The following ADD2 variants were observed in gnomAD, a reference collection of about 807,000 sequenced individuals.
ADD2 encodes adducin 2.
In ADD2, 23 loss-of-function variants were observed where a neutral mutation model predicts 83.0. The ratio of observed to expected loss-of-function variants is 0.28; its 90% confidence interval spans 0.20 to 0.39. ADD2 has a LOEUF of 0.39. Among genes scored for constraint, ADD2 ranks in the 10% least tolerant of loss-of-function variants. The probability of loss-of-function intolerance (pLI) is 1.00; values close to 1 mark genes in which losing one functional copy is unlikely to be tolerated. For missense variants in ADD2, 758 were observed against 944.9 expected (o/e 0.80, Z 2.59); for synonymous variants, 375 against 375.4 (o/e 1.00, Z 0.01).
At chr2:70,693,662 C>G (rs1377219782) in intron 6 of ADD2, among the ~76,000 whole-genome samples, 1 of 152,210 alleles carries the variant, frequency 6.6e-6, no homozygotes, top group African/African-American at 2.4e-5. Flanking sequence ...AAAGCTGCAG[C>G]AACTCTCCCG....
rs1303524433 is a variant in ADD2, at chr2:70,656,904, C to G, written c.*6521G>C. ...GCATCACCGTCAGACACCAAAGCAG[C>G]AGGAGGGCTCAGGAAGTGGCTTTGG... is the stretch of plus-strand genomic sequence containing the variant. On this transcript the variant is annotated 3_prime_UTR_variant, in exon 16 of 16. Transcript: ENST00000264436. 6.6e-6 allele frequency: 1 copy of G among 152,066 alleles called. No individual in the cohort carries two copies. Among genetic ancestry groups the G allele is most frequent in the Non-Finnish European group, 1.5e-5 (1 of 68,022 alleles). 9.4% of individuals were successfully genotyped at this position (152,066 alleles called of 1,614,324 possible). A position where few individuals can be genotyped will look rare whatever the true frequency, so the allele number is the denominator to read the frequency against.
In ADD2 at chr2:70,677,722, G is replaced by A. The variant is rs782329547; in HGVS notation, c.1503+36C>T. 1.9e-6 allele frequency: 3 copies of A among 1,606,012 alleles called. No homozygotes were observed. The East Asian group carries it at 6.7e-5, about 36-fold the overall frequency. On this transcript the variant is annotated intron_variant, in intron 12 of 15. Transcript: ENST00000264436. ...GTGGGACCTGAGACCCCCCAGTGTGGGAGAAGAAAGAGTGGGATAAACAGA... is the reference window on the plus strand; with the variant it reads ...GTGGGACCTGAGACCCCCCAGTGTGAGAGAAGAAAGAGTGGGATAAACAGA...
intron 1 of ADD2, among the ~76,000 whole-genome samples, chr2:70,720,256 G>C (rs1426905062): frequency 8.5e-5 from 13 of 152,182 alleles, no homozygotes; most frequent in Non-Finnish European, 5.9e-5. Context: ...TGCTGGTGTG[G>C]AGGAGGGGAA....
intron 15 of ADD2, among the ~76,000 whole-genome samples, chr2:70,672,399 C>T (rs1669931405): frequency 6.6e-6 from 1 of 152,178 alleles, no homozygotes; most frequent in Non-Finnish European, 1.5e-5. Flanking sequence ...GGATGGGATC[C>T]AAGAATCAAG....
At chr2:70,759,833 A>C (rs1480623497) in intron 1 of ADD2, among the ~76,000 whole-genome samples, 10 of 152,182 alleles carry the variant, frequency 6.6e-5, no homozygotes, top group Admixed American at 5.9e-4. Flanking sequence ...AGGCAGACTA[A>C]GATGGGGATC....
rs371868237 is a variant in ADD2 at position 70,692,339 on chromosome 2, G to A, written c.705+64C>T. ...ATCTTTCCAGACTGTTTTAAGTGAC[G>A]AGATTGCTACAACCTCGGCAGCCTT... is the stretch of plus-strand genomic sequence containing the variant. On this transcript the variant is annotated intron_variant, in intron 7 of 15. Coordinates refer to ENST00000264436, the MANE Select transcript of ADD2 (RefSeq NM_001617.4). 17 of 1,448,922 alleles carry A rather than the reference G, an allele frequency of 1.2e-5. No individual in the cohort carries two copies. In the East Asian group the frequency reaches 1.5e-4, roughly 13 times the overall value. The allele number at this position is 1,448,922 out of a possible 1,614,324, so 89.8% of individuals were successfully genotyped here. A position where few individuals can be genotyped will look rare whatever the true frequency, so the allele number is the denominator to read the frequency against.
intron 1 of ADD2, among the ~76,000 whole-genome samples, chr2:70,747,140 A>G (rs1391766276): frequency 6.6e-6 from 1 of 151,428 alleles, no homozygotes; most frequent in East Asian, 2.0e-4. Flanking sequence ...CCTCCCGAGT[A>G]GCTGGGACTA....
At position 70,751,358 on chromosome 2, in the gene ADD2, T is replaced by C. The variant is rs183524475; in HGVS notation, c.-154+16528A>G. On this transcript the variant is annotated intron_variant, in intron 1 of 15. Coordinates refer to ENST00000264436, the MANE Select transcript of ADD2 (RefSeq NM_001617.4). ...CCTTGTTAGCTTTTCTGAGTCCACTTATATAGAAAAATCTTACTTCCTAGG... is the reference window on the plus strand; with the variant it reads ...CCTTGTTAGCTTTTCTGAGTCCACTCATATAGAAAAATCTTACTTCCTAGG... Among the ~76,000 whole-genome samples the C allele has an allele frequency of 5.5e-3, 833 of 152,274 alleles. 9 individuals carry two copies. The highest frequency in any genetic ancestry group is 0.019 in the African/African-American group (779 of 41,552).
At chr2:70,681,683 T>C (rs1670454803) in intron 10 of ADD2, among the ~76,000 whole-genome samples, 1 of 152,116 alleles carries the variant, frequency 6.6e-6, no homozygotes, top group African/African-American at 2.4e-5. Flanking sequence ...CAGTTGTTTT[T>C]TTTTTGGACT....
intron 1 of ADD2, among the ~76,000 whole-genome samples, chr2:70,739,968 G>A (rs1205097613): frequency 1.3e-5 from 2 of 152,068 alleles, no homozygotes; most frequent in African/African-American, 4.8e-5. Flanking sequence ...ATAAATCCCC[G>A]TGACACAAGT....
intron 1 of ADD2, among the ~76,000 whole-genome samples, chr2:70,726,457 G>A (rs1482810184): frequency 2.0e-5 from 3 of 152,106 alleles, no homozygotes; most frequent in Non-Finnish European, 4.4e-5. Context: ...AGTTTTGACT[G>A]CTCCAGTTCA....
At chr2:70,736,892 AC>A (rs1402880738) in intron 1 of ADD2, among the ~76,000 whole-genome samples, 5 of 152,186 alleles carry the variant, frequency 3.3e-5, no homozygotes, top group Admixed American at 1.3e-4. Flanking sequence ...AAAACAAACA[AC>A]CCCATCAAAA....
chr2:70,749,294 C>T (rs543152461), intron 1 of ADD2, among the ~76,000 whole-genome samples: 15 of 152,220 alleles, frequency 9.9e-5, no homozygotes, highest in South Asian at 6.2e-4. Context: ...CCATGACACA[C>T]GGGGAATAGG....
At chr2:70,682,644 T>C (rs1670518133) in intron 10 of ADD2, among the ~76,000 whole-genome samples, 1 of 152,260 alleles carries the variant, frequency 6.6e-6, no homozygotes, top group Admixed American at 6.5e-5. Flanking sequence ...CAGCCTCTTA[T>C]GCAATTAGCT....
chr2:70,751,221 G>A (rs1553382882), intron 1 of ADD2, among the ~76,000 whole-genome samples: 1 of 152,170 alleles, frequency 6.6e-6, no homozygotes. Flanking sequence ...TGGAATTCCA[G>A]AGGGAATGTT....
chr2:70,688,707 C>A, intron 8 of ADD2, among the ~76,000 whole-genome samples: 1 of 152,120 alleles, frequency 6.6e-6, no homozygotes, highest in African/African-American at 2.4e-5. Context: ...CTCAACAAGG[C>A]CCTGTCAGCT....
chr2:70,737,313 T>A (rs1177221231), intron 1 of ADD2, among the ~76,000 whole-genome samples: 1 of 152,158 alleles, frequency 6.6e-6, no homozygotes, highest in Non-Finnish European at 1.5e-5. Context: ...TAGCAAAGGC[T>A]TGGAACCAAC....
chr2:70,682,900 T>C (rs980483862), intron 10 of ADD2, among the ~76,000 whole-genome samples: 1 of 152,326 alleles, frequency 6.6e-6, no homozygotes, highest in East Asian at 1.9e-4. Context: ...ATTAGTAGTA[T>C]TATGTGTTTT....
chr2:70,719,940 C>T (rs1210789574), intron 1 of ADD2, among the ~76,000 whole-genome samples: 2 of 151,914 alleles, frequency 1.3e-5, no homozygotes, highest in Admixed American at 6.6e-5. Flanking sequence ...TTGTCTTGTC[C>T]CCATCCCCAA....
Sources: gnomAD v4.1 joint callset for allele counts (sites outside exome capture counted in the v4.1 genomes callset) on GRCh38, gnomAD v4.1.1 for gene constraint, MANE v1.5 for transcripts, NCBI Gene and HGNC (gene_info 2026-07-23, HGNC 2026-07-21) for gene names.